MBLAC2: variants seen among roughly 807,000 people sequenced by gnomAD.
The protein encoded by MBLAC2 is acyl-coenzyme A thioesterase MBLAC2.
MBLAC2 carries 24 observed loss-of-function variants against 23.3 expected under a neutral mutation model. That is an observed-to-expected ratio of 1.03 (90% confidence interval 0.75 to 1.45). MBLAC2 has a LOEUF of 1.45. MBLAC2 is among the 40% of genes most tolerant of loss of function. MBLAC2 has a pLI of 0.00. For missense variants in MBLAC2, 358 were observed against 370.0 expected (o/e 0.97, Z 0.27); for synonymous variants, 162 against 150.9 (o/e 1.07, Z -0.54).
intron 1 of MBLAC2, chr5:90,473,545 G>A: frequency 1.6e-6 from 1 of 626,034 alleles, no homozygotes. Flanking sequence ...TCTTTGTAGT[G>A]TTACTGCTAC....
In MBLAC2 at chr5:90,459,183, G is replaced by A. The variant is rs1750314344; in HGVS notation, c.*1984C>T. The A allele has an allele frequency of 6.6e-6, 1 of 152,458 alleles. No homozygotes were observed. The highest frequency in any genetic ancestry group is 1.5e-5 in the Non-Finnish European group (1 of 67,974). The allele number at this position is 152,458 out of a possible 1,614,324, so 9.4% of individuals were successfully genotyped here. A position where few individuals can be genotyped will look rare whatever the true frequency, so the allele number is the denominator to read the frequency against. On this transcript the variant is annotated 3_prime_UTR_variant, in exon 2 of 2. Coordinates refer to ENST00000316610, the MANE Select transcript of MBLAC2 (RefSeq NM_203406.2). ...CCTGAACCAAATCATTATTCTCAAT[G>A]TTGCACTCAGTTGAAAGAGACCTAC...
chr5:90,461,066 T>C lies in MBLAC2; in HGVS notation c.*101A>G, dbSNP rs1017800515. The C allele has an allele frequency of 3.3e-6, 3 of 900,784 alleles. No homozygotes were observed. Among genetic ancestry groups the C allele is most frequent in the Non-Finnish European group, 4.9e-6 (3 of 618,108 alleles). 55.8% of individuals were successfully genotyped at this position (900,784 alleles called of 1,614,324 possible). ...TCAATCTTTCTCTGATATATAATAG[T>C]GGTATAAAAGCACTTCATGAAATGC... On this transcript the variant is annotated 3_prime_UTR_variant, in exon 2 of 2. Transcript: ENST00000316610.
At chr5:90,462,999 T>A (rs10043702) in intron 1 of MBLAC2, among the ~76,000 whole-genome samples, 48,301 of 152,144 alleles carry the variant, frequency 0.32, 7,943 homozygotes, top group East Asian at 0.51. Context: ...GTAAAAGGAA[T>A]AAAATCATAC....
At position 90,461,029 on chromosome 5, in the gene MBLAC2, G is replaced by A. The variant is rs893397263; in HGVS notation, c.*138C>T. 5 of 711,060 alleles carry A rather than the reference G, an allele frequency of 7.0e-6. No individual in the cohort carries two copies. The highest frequency in any genetic ancestry group is 8.6e-6 in the Non-Finnish European group (4 of 464,746). The allele number at this position is 711,060 out of a possible 1,614,324, so 44.0% of individuals were successfully genotyped here. ...ATTTAAACTAACAATTTTCTTTTTG[G>A]CTTATTCATTCTCAATCTTTCTCTG... On this transcript the variant is annotated 3_prime_UTR_variant, in exon 2 of 2. Coordinates refer to ENST00000316610, the MANE Select transcript of MBLAC2 (RefSeq NM_203406.2).
Position 90,458,908 on chromosome 5 carries a change from A to G in MBLAC2, c.*2259T>C, listed in dbSNP as rs1180891752. 1 of 152,602 alleles carries G rather than the reference A, an allele frequency of 6.6e-6. No individual in the cohort carries two copies. Among genetic ancestry groups the G allele is most frequent in the Non-Finnish European group, 1.5e-5 (1 of 68,018 alleles). 9.5% of individuals were successfully genotyped at this position (152,602 alleles called of 1,614,324 possible). ...TTCTATGTTGTGGTACAATTTGAAA[A>G]ACTGAAAAAATTGGGAAATTAAAAA... On this transcript the variant is annotated 3_prime_UTR_variant, in exon 2 of 2. Transcript: ENST00000316610.
At chr5:90,470,929 A>C (rs1040013965) in intron 1 of MBLAC2, among the ~76,000 whole-genome samples, 1 of 152,176 alleles carries the variant, frequency 6.6e-6, no homozygotes, top group African/African-American at 2.4e-5. Flanking sequence ...TAGAGTTTTA[A>C]GAGCTTCTTA....
At chr5:90,465,977 C>A (rs1365435870) in intron 1 of MBLAC2, among the ~76,000 whole-genome samples, 1 of 152,130 alleles carries the variant, frequency 6.6e-6, no homozygotes, top group East Asian at 1.9e-4. Context: ...AACTGAAAAT[C>A]TGACTCTAAA....
In MBLAC2 at chr5:90,467,430, A is replaced by G. The variant is rs192288081; in HGVS notation, c.455-5878T>C. Among the ~76,000 whole-genome samples the G allele has an allele frequency of 3.9e-3, 598 of 152,260 alleles. 2 individuals carry two copies. The highest frequency in any genetic ancestry group is 0.031 in the Middle Eastern group (9 of 294). ...CTGTTGGACTAGTCCTTTTATCACTATATGTTCCTCTTTTTGTCTTCTTTA... is the reference window on the plus strand; with the variant it reads ...CTGTTGGACTAGTCCTTTTATCACTGTATGTTCCTCTTTTTGTCTTCTTTA... On this transcript the variant is annotated intron_variant, in intron 1 of 1. Coordinates refer to ENST00000316610, the MANE Select transcript of MBLAC2 (RefSeq NM_203406.2).
intron 1 of MBLAC2, among the ~76,000 whole-genome samples, chr5:90,465,431 T>G (rs1381495266): frequency 6.6e-6 from 1 of 152,190 alleles, no homozygotes; most frequent in Non-Finnish European, 1.5e-5. Context: ...ATGATGGTAA[T>G]GTAACCCAAT....
chr5:90,468,590 C>A (rs1750491134), intron 1 of MBLAC2, among the ~76,000 whole-genome samples: 1 of 152,030 alleles, frequency 6.6e-6, no homozygotes, highest in Admixed American at 6.6e-5. Context: ...GAAGAATTTA[C>A]CTTTCATATC....
chr5:90,473,387 G>GA (rs1750602272), intron 1 of MBLAC2: 1 of 408,322 alleles, frequency 2.4e-6, no homozygotes, highest in Admixed American at 4.5e-5. Flanking sequence ...GGACCAAGCT[G>GA]ATGAAGTCTG....
chr5:90,473,776 C>A (rs1417040899), intron 1 of MBLAC2, 63 bp downstream of exon 1: 2 of 1,467,826 alleles, frequency 1.4e-6, no homozygotes, highest in Admixed American at 3.9e-5. Flanking sequence ...ACATGCGGCA[C>A]TCGGACAGTC....
chr5:90,469,090 C>T (rs959248825), intron 1 of MBLAC2, among the ~76,000 whole-genome samples: 3 of 152,108 alleles, frequency 2.0e-5, no homozygotes, highest in Admixed American at 1.3e-4. Context: ...ATCAGCCTCC[C>T]GAGTAGCTGG....
At chr5:90,464,554 C>T (rs78191561) in intron 1 of MBLAC2, among the ~76,000 whole-genome samples, 1,854 of 151,976 alleles carry the variant, frequency 0.012, 27 homozygotes, top group African/African-American at 0.043. Flanking sequence ...CATTGCACTC[C>T]GGCCTGAACA....
chr5:90,461,269 G>T lies in MBLAC2; in HGVS notation c.738C>A (p.Asn246Lys). ...GACATATCCCAGCTTTTGAAATATAGTTAGAAGCCAATCGAAAAAGCCTTT... is the reference window on the plus strand; with the variant it reads ...GACATATCCCAGCTTTTGAAATATATTTAGAAGCCAATCGAAAAAGCCTTT... ...GAERLFRLAS[N>K]YISKAGICHK... The change falls in exon 2 of 2, where the codon AAC (asparagine) becomes AAA (lysine). Residue 246 changes from asparagine (N) to lysine (K), a missense_variant. Transcript: ENST00000316610. 1.9e-6 allele frequency: 3 copies of T among 1,614,164 alleles called. No individual in the cohort carries two copies. The highest frequency in any genetic ancestry group is 2.5e-6 in the Non-Finnish European group (3 of 1,180,020).
intron 1 of MBLAC2, among the ~76,000 whole-genome samples, chr5:90,470,842 C>T (rs1239726771): frequency 6.6e-6 from 1 of 151,714 alleles, no homozygotes; most frequent in South Asian, 2.1e-4. Flanking sequence ...AATTTGGCAT[C>T]CTTCAATCAA....
In MBLAC2 at chr5:90,473,864, C is replaced by T; in HGVS notation, c.429G>A (p.Val143=). ...WRARQFRVQA[V]QPTLILQDGD... ...CATCCTGCAGGATGAGGGTGGGCTGCACCGCCTGTACCCGGAACTGTCTGG... is the reference window on the plus strand; with the variant it reads ...CATCCTGCAGGATGAGGGTGGGCTGTACCGCCTGTACCCGGAACTGTCTGG... Residue 143 remains valine (V), a synonymous_variant, in exon 1 of 2, where the codon GTG becomes GTA. Transcript: ENST00000316610. The T allele has an allele frequency of 1.9e-6, 3 of 1,593,734 alleles. No homozygotes were observed. The highest frequency in any genetic ancestry group is 2.6e-6 in the Non-Finnish European group (3 of 1,170,612).
At chr5:90,473,216 A>G (rs1247178747) in intron 1 of MBLAC2, 2 of 161,380 alleles carry the variant, frequency 1.2e-5, no homozygotes, top group Admixed American at 1.3e-4. Context: ...AGTAAGACTC[A>G]GACATATTCT....
chr5:90,474,339 CT>C lies in MBLAC2; in HGVS notation c.-48del. On this transcript the variant is annotated 5_prime_UTR_variant, in exon 1 of 2. Transcript: ENST00000316610. ...GCGGGGTGAGTGTGGGCGTGCGAGT[CT>C]CCCACAGGCTGTCCACACACAGGGC... is the stretch of plus-strand genomic sequence containing the variant. The C allele has an allele frequency of 6.5e-7, 1 of 1,542,904 alleles. No homozygotes were observed. The highest frequency in any genetic ancestry group is 8.9e-7 in the Non-Finnish European group (1 of 1,123,310).
Sources: gnomAD v4.1 joint callset for allele counts (sites outside exome capture counted in the v4.1 genomes callset) on GRCh38, gnomAD v4.1.1 for gene constraint, MANE v1.5 for transcripts, NCBI Gene and HGNC (gene_info 2026-07-23, HGNC 2026-07-21) for gene names.